CNTN4: variants seen among roughly 807,000 people sequenced by gnomAD.
CNTN4 encodes contactin 4.
In CNTN4, 77 loss-of-function variants were observed where a neutral mutation model predicts 122.5. The observed-to-expected ratio is 0.63, with a 90% CI of 0.52 to 0.76. The LOEUF (loss-of-function observed/expected upper bound fraction) is 0.76. CNTN4 is among the 30% of genes least tolerant of loss of function. The probability of loss-of-function intolerance (pLI) is 0.00; values close to 1 mark genes in which losing one functional copy is unlikely to be tolerated. For synonymous variants in CNTN4, 512 were observed against 447.0 expected (o/e 1.15, Z -1.83); for missense variants, 1,256 against 1,259.1 (o/e 1.00, Z 0.04).
Position 2,304,308 on chromosome 3 carries a change from A to C in CNTN4, c.-144-34870A>C, listed in dbSNP as rs149816393. ...ATCATGTAGCTTAGTTACAATGCTCAATCTTCTGTCATAAGGTATATTTGT... is the reference window on the plus strand; with the variant it reads ...ATCATGTAGCTTAGTTACAATGCTCCATCTTCTGTCATAAGGTATATTTGT... On this transcript the variant is annotated intron_variant, in intron 2 of 24. Coordinates refer to ENST00000418658, the MANE Select transcript of CNTN4 (RefSeq NM_175607.3). 2.5e-3 allele frequency among the ~76,000 whole-genome samples: 381 copies of C among 152,294 alleles called. 8 individuals are homozygous for C. Among genetic ancestry groups the C allele is most frequent in the Admixed American group, 0.02 (299 of 15,284 alleles).
intron 7 of CNTN4, among the ~76,000 whole-genome samples, chr3:2,835,975 C>G (rs1470660507): frequency 1.3e-5 from 2 of 152,028 alleles, no homozygotes; most frequent in African/African-American, 4.8e-5. Context: ...GAGATATTCT[C>G]TCCAAATCTA....
chr3:2,344,033 T>G (rs1219371164), intron 3 of CNTN4, among the ~76,000 whole-genome samples: 1 of 152,066 alleles, frequency 6.6e-6, no homozygotes, highest in Non-Finnish European at 1.5e-5. Flanking sequence ...CAGCAGGAAT[T>G]TACTCATTAC....
chr3:2,791,517 A>G (rs753854104), intron 6 of CNTN4, among the ~76,000 whole-genome samples: 1 of 145,842 alleles, frequency 6.9e-6, no homozygotes, highest in Non-Finnish European at 1.5e-5. Context: ...TGGGTGATGG[A>G]GTGAGATCCT....
chr3:2,779,440 C>A (rs1175650100), intron 6 of CNTN4, among the ~76,000 whole-genome samples: 1 of 152,196 alleles, frequency 6.6e-6, no homozygotes, highest in East Asian at 1.9e-4. Flanking sequence ...CTCAAGCAAT[C>A]TTCCTGCCTT....
intron 2 of CNTN4, among the ~76,000 whole-genome samples, chr3:2,161,908 A>T (rs2035981272): frequency 6.6e-6 from 1 of 152,300 alleles, no homozygotes; most frequent in African/African-American, 2.4e-5. Flanking sequence ...TCTCTTTTAA[A>T]AGAAGCCTGG....
chr3:2,693,287 C>T (rs1468974934), intron 4 of CNTN4, among the ~76,000 whole-genome samples: 1 of 152,130 alleles, frequency 6.6e-6, no homozygotes, highest in Non-Finnish European at 1.5e-5. Flanking sequence ...ACGAAATCCC[C>T]AGATATATCA....
intron 13 of CNTN4, among the ~76,000 whole-genome samples, chr3:2,954,075 C>G (rs889673117): frequency 2.0e-5 from 3 of 152,148 alleles, no homozygotes; most frequent in Non-Finnish European, 2.9e-5. Context: ...TATGCATAAT[C>G]GTTTCCAAAA....
intron 3 of CNTN4, among the ~76,000 whole-genome samples, chr3:2,545,310 A>G (rs765331685): frequency 2.0e-5 from 3 of 152,040 alleles, no homozygotes; most frequent in Non-Finnish European, 4.4e-5. Flanking sequence ...AGTATGTGTC[A>G]TGTGGAGATG....
At chr3:2,254,317 TC>T (rs1231849248) in intron 2 of CNTN4, among the ~76,000 whole-genome samples, 1 of 152,128 alleles carries the variant, frequency 6.6e-6, no homozygotes, top group Non-Finnish European at 1.5e-5. Flanking sequence ...TGGTTCCAAG[TC>T]TTTGTTATTG....
chr3:2,572,901 A>G (rs553566293), intron 4 of CNTN4, among the ~76,000 whole-genome samples: 17 of 152,346 alleles, frequency 1.1e-4, no homozygotes, highest in African/African-American at 4.1e-4. Flanking sequence ...TGACATGTAT[A>G]GATCACTCAT....
intron 2 of CNTN4, among the ~76,000 whole-genome samples, chr3:2,170,044 G>A (rs533889784): frequency 5.8e-4 from 88 of 152,154 alleles, no homozygotes; most frequent in African/African-American, 1.2e-3. Flanking sequence ...AAGGGAGGCC[G>A]GGCGCGGTGG....
chr3:2,595,628 A>T (rs1177709953), intron 4 of CNTN4, among the ~76,000 whole-genome samples: 1 of 152,126 alleles, frequency 6.6e-6, no homozygotes, highest in Non-Finnish European at 1.5e-5. Context: ...GGGATACTAA[A>T]GTATCCCTTG....
chr3:2,389,886 A>G (rs550878099), intron 3 of CNTN4, among the ~76,000 whole-genome samples: 2 of 152,232 alleles, frequency 1.3e-5, no homozygotes, highest in Admixed American at 1.3e-4. Context: ...ACTTTACAAA[A>G]TAATTGTCCT....
At chr3:2,353,893 C>T (rs915259608) in intron 3 of CNTN4, among the ~76,000 whole-genome samples, 15 of 151,544 alleles carry the variant, frequency 9.9e-5, no homozygotes, top group Admixed American at 2.0e-4. Flanking sequence ...AGCGAGACTC[C>T]GTCTCAAAAA....
intron 2 of CNTN4, among the ~76,000 whole-genome samples, chr3:2,275,361 A>T (rs775751459): frequency 6.6e-6 from 1 of 152,216 alleles, no homozygotes; most frequent in Non-Finnish European, 1.5e-5. Context: ...GATCATGTCC[A>T]TTAGACATCC....
rs2080648451 is a variant in CNTN4, at chr3:2,594,232, T to C, written c.55+22674T>C. ...TGAACACAATTTTGGAGAAACTGGT[T>C]TTTTTTTGACAATTTGAAATGTTAC... On this transcript the variant is annotated intron_variant, in intron 4 of 24. Coordinates refer to ENST00000418658, the MANE Select transcript of CNTN4 (RefSeq NM_175607.3). 8.0e-3 allele frequency among the ~76,000 whole-genome samples: 5 copies of C among 628 alleles called. No homozygotes were observed. The Admixed American group carries it at 0.28, about 35-fold the overall frequency. The allele number at this position is 628 out of a possible 152,430, so 0.4% of individuals were successfully genotyped here. A position where few individuals can be genotyped will look rare whatever the true frequency, so the allele number is the denominator to read the frequency against.
chr3:2,475,399 G>A (rs1184169285), intron 3 of CNTN4, among the ~76,000 whole-genome samples: 1 of 152,156 alleles, frequency 6.6e-6, no homozygotes, highest in African/African-American at 2.4e-5. Context: ...TATGACATTA[G>A]TGTCACATCA....
At chr3:2,781,742 T>TTG (rs2091577836) in intron 6 of CNTN4, among the ~76,000 whole-genome samples, 1 of 98,366 alleles carries the variant, frequency 1.0e-5, no homozygotes. Flanking sequence ...TTTTTTTTTT[T>TTG]GAGACGGAGT....
At chr3:2,835,687 C>T (rs1272581239) in intron 7 of CNTN4, among the ~76,000 whole-genome samples, 2 of 151,900 alleles carry the variant, frequency 1.3e-5, no homozygotes, top group Non-Finnish European at 2.9e-5. Flanking sequence ...AAAGATAAAA[C>T]CCATATTAAT....
Sources: allele counts gnomAD v4.1 joint callset (sites outside exome capture counted in the v4.1 genomes callset), GRCh38; gene constraint gnomAD v4.1.1; transcripts MANE v1.5; gene names NCBI Gene and HGNC (gene_info 2026-07-23, HGNC 2026-07-21).